The following RSPO2 variants were observed in gnomAD, a reference collection of about 807,000 sequenced individuals.
The protein encoded by RSPO2 is R-spondin-2.
In RSPO2, 14 loss-of-function variants were observed where a neutral mutation model predicts 30.9. The ratio of observed to expected loss-of-function variants is 0.45; its 90% CI spans 0.30 to 0.71. The LOEUF (loss-of-function observed/expected upper bound fraction) is 0.71. Ranked by LOEUF, RSPO2 falls within the 30% of genes least tolerant of loss-of-function variation. The pLI, the probability that RSPO2 is intolerant of heterozygous loss-of-function variation, is 0.08. For missense variants in RSPO2, 264 were observed against 301.9 expected (o/e 0.87, Z 0.93); for synonymous variants, 107 against 96.4 (o/e 1.11, Z -0.64).
intron 3 of RSPO2, among the ~76,000 whole-genome samples, chr8:107,988,461 G>A (rs1814727622): frequency 2.7e-5 from 4 of 150,606 alleles, no homozygotes; most frequent in Admixed American, 6.6e-5. Flanking sequence ...GTAGGTACTC[G>A]TTACAAAAAT....
intron 2 of RSPO2, among the ~76,000 whole-genome samples, chr8:108,076,566 G>A (rs1813020081): frequency 6.6e-6 from 1 of 152,130 alleles, no homozygotes; most frequent in African/African-American, 2.4e-5. Flanking sequence ...CAACAGAAAA[G>A]TCAAAGACTA....
intron 2 of RSPO2, among the ~76,000 whole-genome samples, chr8:108,059,522 A>C (rs1254837795): frequency 2.6e-5 from 4 of 151,464 alleles, no homozygotes; most frequent in Non-Finnish European, 5.9e-5. Context: ...AAAGGACTAT[A>C]AATCACGCTG....
At chr8:108,064,500 A>C (rs1027466465) in intron 2 of RSPO2, among the ~76,000 whole-genome samples, 2 of 152,144 alleles carry the variant, frequency 1.3e-5, no homozygotes, top group African/African-American at 4.8e-5. Flanking sequence ...TTAGAATGGC[A>C]ATCATTAAAA....
At chr8:107,982,886 G>A (rs750989997) in intron 3 of RSPO2, among the ~76,000 whole-genome samples, 1 of 152,120 alleles carries the variant, frequency 6.6e-6, no homozygotes, top group Admixed American at 6.5e-5. Flanking sequence ...TCTGTTAAAT[G>A]TCAATATTAA....
intron 5 of RSPO2, among the ~76,000 whole-genome samples, chr8:107,914,034 A>C (rs1303223597): frequency 1.3e-5 from 2 of 152,194 alleles, no homozygotes. Context: ...AATTATTTAA[A>C]ATGAATCACC....
chr8:107,999,435 G>A (rs1164901860), intron 2 of RSPO2, among the ~76,000 whole-genome samples: 2 of 152,046 alleles, frequency 1.3e-5, no homozygotes. Flanking sequence ...GGAGAAACTA[G>A]GAGTTTTTGT....
intron 2 of RSPO2, among the ~76,000 whole-genome samples, chr8:108,074,355 CAT>C (rs937363773): frequency 2.6e-5 from 4 of 152,314 alleles, no homozygotes; most frequent in East Asian, 1.9e-4. Context: ...ATTATTCTAA[CAT>C]GTGTTAAACA....
chr8:107,954,616 T>A (rs1813360756), intron 5 of RSPO2, among the ~76,000 whole-genome samples: 1 of 92,946 alleles, frequency 1.1e-5, no homozygotes, highest in Non-Finnish European at 2.6e-5. Context: ...TTTATTTATT[T>A]ATTTATTTAT....
chr8:108,047,760 A>G (rs758822628), intron 2 of RSPO2, among the ~76,000 whole-genome samples: 24 of 151,978 alleles, frequency 1.6e-4, no homozygotes, highest in Non-Finnish European at 3.4e-4. Flanking sequence ...CTGAGGCAGG[A>G]GAATTGCTTG....
Position 107,989,216 on chromosome 8 carries a change from C to A in RSPO2, c.123G>T (p.Lys41Asn). Residue 41 changes from lysine to asparagine, a missense_variant, in exon 3 of 6, where the codon AAG (lysine) becomes AAT (asparagine). By Grantham distance (94) the Lys-to-Asn change is moderately conservative. Transcript: ENST00000276659. Reference sequence around the variant, plus strand: ...TGTCCTTTGAACAAGACAAACAACCCTTGCAAATGGGATTTGATACATAAC... The same window carrying A: ...TGTCCTTTGAACAAGACAAACAACCATTGCAAATGGGATTTGATACATAAC... ...RASYVSNPICKGCLSCSKDNG... is the reference protein window; with the variant it reads ...RASYVSNPICNGCLSCSKDNG... 1 of 1,580,546 alleles carries A rather than the reference C, an allele frequency of 6.3e-7. No individual in the cohort carries two copies. Among genetic ancestry groups the A allele is most frequent in the Admixed American group, 2.0e-5 (1 of 50,710 alleles).
intron 2 of RSPO2, among the ~76,000 whole-genome samples, chr8:108,042,995 G>A (rs921179982): frequency 2.0e-5 from 3 of 152,032 alleles, no homozygotes; most frequent in Non-Finnish European, 1.5e-5. Flanking sequence ...ACTTATAAAG[G>A]ACACGGCTAA....
intron 2 of RSPO2, among the ~76,000 whole-genome samples, chr8:108,019,968 A>G (rs1563566581): frequency 6.6e-6 from 1 of 152,214 alleles, no homozygotes; most frequent in East Asian, 1.9e-4. Flanking sequence ...GCCTGACAGA[A>G]AAAATACTGT....
chr8:107,995,374 T>TTA (rs971626811), intron 2 of RSPO2, among the ~76,000 whole-genome samples: 9 of 151,936 alleles, frequency 5.9e-5, no homozygotes, highest in African/African-American at 1.7e-4. Context: ...AAATGCTCCT[T>TTA]TATATATATA....
intron 5 of RSPO2, among the ~76,000 whole-genome samples, chr8:107,910,138 A>G (rs1465902197): frequency 6.6e-6 from 1 of 152,218 alleles, no homozygotes; most frequent in Non-Finnish European, 1.5e-5. Flanking sequence ...AGCTGACTTC[A>G]TACTATAACG....
At chr8:107,922,425 G>C (rs1812202742) in intron 5 of RSPO2, among the ~76,000 whole-genome samples, 1 of 151,988 alleles carries the variant, frequency 6.6e-6, no homozygotes. Context: ...ACTGCTCAGA[G>C]AAGTCAGATA....
chr8:107,961,040 G>T (rs1230574398), intron 3 of RSPO2, among the ~76,000 whole-genome samples: 3 of 152,126 alleles, frequency 2.0e-5, no homozygotes, highest in African/African-American at 4.8e-5. Flanking sequence ...TGCCAGCCCA[G>T]GGTCCCAGGC....
chr8:108,073,686 A>T (rs959975739), intron 2 of RSPO2, among the ~76,000 whole-genome samples: 3 of 152,204 alleles, frequency 2.0e-5, no homozygotes, highest in Non-Finnish European at 4.4e-5. Context: ...TATACTGTAT[A>T]TTTGTGTTGT....
At chr8:107,983,616 T>C (rs1814524724) in intron 3 of RSPO2, 12 of 1,595,518 alleles carry the variant, frequency 7.5e-6, no homozygotes, top group Admixed American at 1.7e-5. Context: ...ATAAAACAAT[T>C]ATAGAGGAGC....
At chr8:107,999,476 C>T (rs543442364) in intron 2 of RSPO2, among the ~76,000 whole-genome samples, 2 of 152,222 alleles carry the variant, frequency 1.3e-5, no homozygotes, top group South Asian at 4.2e-4. Flanking sequence ...ACTGTGTCGC[C>T]CAGGTTGGAG....
Sources: gnomAD v4.1 joint callset for allele counts (sites outside exome capture counted in the v4.1 genomes callset) on GRCh38, gnomAD v4.1.1 for gene constraint, MANE v1.5 for transcripts, NCBI Gene and HGNC (gene_info 2026-07-23, HGNC 2026-07-21) for gene names.